Variants in ARHGEF10L observed in about 807,000 individuals in gnomAD.
ARHGEF10L encodes Rho guanine nucleotide exchange factor 10 like.
Under a neutral mutation model 141.2 loss-of-function variants are expected in ARHGEF10L, and 69 were observed. The observed-to-expected ratio is 0.49, with a 90% CI of 0.40 to 0.60. ARHGEF10L has a LOEUF of 0.60. ARHGEF10L is among the 20% of genes least tolerant of loss of function. The probability of loss-of-function intolerance (pLI) is 0.00; values close to 1 mark genes in which losing one functional copy is unlikely to be tolerated. For synonymous variants in ARHGEF10L, 711 were observed against 718.5 expected (o/e 0.99, Z 0.17); for missense variants, 1,482 against 1,734.3 (o/e 0.85, Z 2.58).
intron 26 of ARHGEF10L, among the ~76,000 whole-genome samples, chr1:17,678,599 A>G (rs1179603118): frequency 6.6e-6 from 1 of 152,008 alleles, no homozygotes. Context: ...TTGTATTTTT[A>G]GTAGAGATGA....
chr1:17,638,446 T>C, intron 19 of ARHGEF10L, 116 bp from the exon 20 acceptor site: 2 of 1,467,792 alleles, frequency 1.4e-6, no homozygotes, highest in Non-Finnish European at 9.3e-7. Context: ...TCAGTGAGGC[T>C]CCAGGACTTC....
At chr1:17,626,775 C>G (rs2060411183) in intron 14 of ARHGEF10L, among the ~76,000 whole-genome samples, 1 of 152,228 alleles carries the variant, frequency 6.6e-6, no homozygotes, top group Non-Finnish European at 1.5e-5. Context: ...TTCTCCCTCC[C>G]CACAGCCTCC....
chr1:17,564,999 C>T lies in ARHGEF10L; in HGVS notation c.-43-15554C>T, dbSNP rs148175193. On this transcript the variant is annotated intron_variant, in intron 1 of 28. Transcript: ENST00000361221. ...CTTCACTCCCACCCAAGGCCCCATT[C>T]GGGCAGCTGTAACGAAATGCCGTGA... 3.5e-3 allele frequency among the ~76,000 whole-genome samples: 529 copies of T among 152,298 alleles called. 7 individuals are homozygous for T. The highest frequency in any genetic ancestry group is 0.012 in the African/African-American group (492 of 41,560).
rs1443115288 is a variant in ARHGEF10L, at chr1:17,558,142, CATCCATTT to C, written c.-44+18199_-44+18206del. ...CCATCCATCCATTCACTCATCCATTCATCCATTTATCCATCCATCCATCTATGCATCCA... is the reference window on the plus strand; with the variant it reads ...CCATCCATCCATTCACTCATCCATTCATCCATCCATCCATCTATGCATCCA... On this transcript the variant is annotated intron_variant, in intron 1 of 28. Transcript: ENST00000361221. This position sits in a 1 kb window ranked among gnomAD's most constrained non-coding sequence, Gnocchi z 4.2. Among the ~76,000 whole-genome samples the C allele has an allele frequency of 1.3e-5, 2 of 152,042 alleles. No homozygotes were observed. The highest frequency in any genetic ancestry group is 2.9e-5 in the Non-Finnish European group (2 of 68,006).
Position 17,648,471 on chromosome 1 carries a change from C to T in ARHGEF10L, c.2273-83C>T, listed in dbSNP as rs1016082061. ...CAGGCTTCTGGGGCCTGCAGTGGCTCCCTGGGGCTTGGAGGGCTCCTCATG... is the reference window on the plus strand; with the variant it reads ...CAGGCTTCTGGGGCCTGCAGTGGCTTCCTGGGGCTTGGAGGGCTCCTCATG... On this transcript the variant is annotated intron_variant, in intron 21 of 28. Transcript: ENST00000361221. The T allele has an allele frequency of 6.4e-6, 10 of 1,556,180 alleles. No individual in the cohort carries two copies. In the Admixed American group the frequency reaches 1.2e-4, roughly 19 times the overall value.
At chr1:17,534,128 A>AT in the ARHGEF10L span, among the ~76,000 whole-genome samples, 96 of 137,812 alleles carry the variant, frequency 7.0e-4, no homozygotes, top group South Asian at 0.012. Flanking sequence ...CACCTAGCTA[A>AT]TTTTTTTTTT....
chr1:17,639,532 T>C lies in ARHGEF10L; in HGVS notation c.2172-670T>C, dbSNP rs191520760. On this transcript the variant is annotated intron_variant, in intron 20 of 28. Coordinates refer to ENST00000361221, the MANE Select transcript of ARHGEF10L (RefSeq NM_018125.4). This position sits in a 1 kb window ranked among gnomAD's most constrained non-coding sequence, Gnocchi z 4.3. ...TTGAATCTGCCGCCTCCCTGTTGAGTGGCCTGTCCGTCTCCCTTCCTCCAT... is the reference window on the plus strand; with the variant it reads ...TTGAATCTGCCGCCTCCCTGTTGAGCGGCCTGTCCGTCTCCCTTCCTCCAT... 9.3e-4 allele frequency among the ~76,000 whole-genome samples: 141 copies of C among 151,950 alleles called. 2 individuals are homozygous for C. Among genetic ancestry groups the C allele is most frequent in the African/African-American group, 3.3e-3 (135 of 41,460 alleles).
At position 17,690,591 on chromosome 1, in the gene ARHGEF10L, C is replaced by T. The variant is rs542854388; in HGVS notation, c.3184+2844C>T. On this transcript the variant is annotated intron_variant, in intron 27 of 28. Coordinates refer to ENST00000361221, the MANE Select transcript of ARHGEF10L (RefSeq NM_018125.4). ...AGGTGACCGCTCTTTTGGCAGACCT[C>T]CCTGAGGCTGAACCCTGGAGAAGGC... 4.9e-4 allele frequency among the ~76,000 whole-genome samples: 74 copies of T among 152,362 alleles called. 2 individuals carry two copies. In the South Asian group the frequency reaches 5.2e-3, roughly 11 times the overall value.
intron 8 of ARHGEF10L, among the ~76,000 whole-genome samples, chr1:17,614,555 C>T (rs2059705538): frequency 6.6e-6 from 1 of 152,196 alleles, no homozygotes; most frequent in Admixed American, 6.5e-5. Context: ...AGGACAGGAA[C>T]TGGATTCTGG....
rs1400827860 is a variant in ARHGEF10L, at chr1:17,603,096, G to A, written c.350-412G>A. Among the ~76,000 whole-genome samples, 1 of 152,110 alleles carries A rather than the reference G, an allele frequency of 6.6e-6. No individual in the cohort carries two copies. The highest frequency in any genetic ancestry group is 6.5e-5 in the Admixed American group (1 of 15,286). ...GGTCAAGGACCGGCTCCCATCAGGGGTGGGGGCTGGTTTTCCAAGTCCTAG... is the reference window on the plus strand; with the variant it reads ...GGTCAAGGACCGGCTCCCATCAGGGATGGGGGCTGGTTTTCCAAGTCCTAG... On this transcript the variant is annotated intron_variant, in intron 5 of 28. Coordinates refer to ENST00000361221, the MANE Select transcript of ARHGEF10L (RefSeq NM_018125.4). This position sits in a 1 kb window ranked among gnomAD's most constrained non-coding sequence, Gnocchi z 4.8.
At position 17,627,190 on chromosome 1, in the gene ARHGEF10L, T is replaced by C; in HGVS notation, c.1411-140T>C. The stretch of plus-strand genomic sequence containing the variant: ...GTTTCTTGAGGTCTTGTTCTGCATC[T>C]GGTGCCATCTGTCCTGGCCTCAGGC... On this transcript the variant is annotated intron_variant, in intron 14 of 28. Coordinates refer to ENST00000361221, the MANE Select transcript of ARHGEF10L (RefSeq NM_018125.4). The surrounding 1 kb of genome is among the most constrained non-coding windows in gnomAD (Gnocchi z 4.0). 3 of 881,616 alleles carry C rather than the reference T, an allele frequency of 3.4e-6. No individual in the cohort carries two copies. Among genetic ancestry groups the C allele is most frequent in the African/African-American group, 1.7e-5 (1 of 59,716 alleles). The allele number at this position is 881,616 out of a possible 1,614,324, so 54.6% of individuals were successfully genotyped here. A position where few individuals can be genotyped will look rare whatever the true frequency, so the allele number is the denominator to read the frequency against.
intron 1 of ARHGEF10L, among the ~76,000 whole-genome samples, chr1:17,541,928 T>C (rs2076742823): frequency 6.6e-6 from 1 of 151,830 alleles, no homozygotes; most frequent in Non-Finnish European, 1.5e-5. Flanking sequence ...GATCGCACCA[T>C]TGCACTCCAG....
chr1:17,687,694 T>A lies in ARHGEF10L; in HGVS notation c.3131T>A (p.Leu1044Gln). 1 of 1,608,892 alleles carries A rather than the reference T, an allele frequency of 6.2e-7. No individual in the cohort carries two copies. Among genetic ancestry groups the A allele is most frequent in the Non-Finnish European group, 8.5e-7 (1 of 1,177,592 alleles). The change falls in exon 27 of 29, where the codon CTG (leucine) becomes CAG (glutamine). Residue 1044 changes from leucine (L) to glutamine (Q), a missense_variant. Physicochemically the swap from Leu to Gln is moderately radical, Grantham distance 113 (BLOSUM62 -2). This residue lies in a region of ARHGEF10L where 858 missense variants were observed against 966.3 expected (regional missense o/e 0.89). Transcript: ENST00000361221. ...TSIRLFHTETLEHLQEINIAT... is the reference protein window; with the variant it reads ...TSIRLFHTETQEHLQEINIAT... ...ATCCGCCTCTTCCACACTGAGACCC[T>A]GGAGCATCTGCAAGAGATCAACATC...
chr1:17,641,751 G>T (rs1042496891), intron 21 of ARHGEF10L, among the ~76,000 whole-genome samples: 3 of 151,886 alleles, frequency 2.0e-5, no homozygotes, highest in African/African-American at 7.3e-5. Context: ...GGCCGAGGCG[G>T]GCAGATCACC....
At chr1:17,557,342 C>CA (rs1003759039) in intron 1 of ARHGEF10L, among the ~76,000 whole-genome samples, 1,348 of 90,622 alleles carry the variant, frequency 0.015, 12 homozygotes, top group African/African-American at 0.035. Flanking sequence ...GACTCCATCT[C>CA]AAAAAAAAAA....
chr1:17,587,446 C>G lies in ARHGEF10L; in HGVS notation c.38-14C>G, dbSNP rs1187159435. ...GGAGATCCTGCAGCCTGGCCAACTC[C>G]TTCTCTCTTCCAGGAGATCAGCTGG... On this transcript the variant is annotated splice_polypyrimidine_tract_variant and intron_variant, in intron 2 of 28. Transcript: ENST00000361221. 6.2e-7 allele frequency: 1 copy of G among 1,608,912 alleles called. No individual in the cohort carries two copies. The highest frequency in any genetic ancestry group is 8.5e-7 in the Non-Finnish European group (1 of 1,177,666).
At chr1:17,538,060 T>A (rs2076604889), upstream of ARHGEF10L, among the ~76,000 whole-genome samples, 1 of 151,138 alleles carries the variant, frequency 6.6e-6, no homozygotes, top group South Asian at 2.1e-4. Context: ...CAAGACCCAG[T>A]CTCTTAAAAA....
intron 21 of ARHGEF10L, among the ~76,000 whole-genome samples, chr1:17,645,107 G>T (rs2061521926): frequency 6.6e-6 from 1 of 152,112 alleles, no homozygotes; most frequent in South Asian, 2.1e-4. Context: ...TGCCCAGGGG[G>T]TGTTGGCAAA....
At chr1:17,617,912 G>A (rs2059895974) in intron 9 of ARHGEF10L, among the ~76,000 whole-genome samples, 1 of 152,172 alleles carries the variant, frequency 6.6e-6, no homozygotes, top group African/African-American at 2.4e-5. Flanking sequence ...CTGGCTCTGC[G>A]GCTTTCTGGC....
Sources: allele counts gnomAD v4.1 joint callset (sites outside exome capture counted in the v4.1 genomes callset), GRCh38; gene constraint gnomAD v4.1.1; regional missense constraint gnomAD v4.1.1; non-coding constraint Gnocchi (gnomAD v3.1); transcripts MANE v1.5; gene names NCBI Gene and HGNC (gene_info 2026-07-23, HGNC 2026-07-21).